ARHGAP24: variants seen among roughly 807,000 people sequenced by gnomAD.
ARHGAP24 encodes rho GTPase-activating protein 24.
A neutral mutation model predicts 76.4 loss-of-function variants in ARHGAP24; 50 were observed. The ratio of observed to expected loss-of-function variants is 0.65; its 90% CI spans 0.52 to 0.83. The LOEUF (loss-of-function observed/expected upper bound fraction) is 0.83, where lower values mean the gene tolerates loss of function less well. Among genes scored for constraint, ARHGAP24 ranks in the 40% least tolerant of loss-of-function variants. The probability of loss-of-function intolerance (pLI) is 0.00; values close to 1 mark genes in which losing one functional copy is unlikely to be tolerated. For missense variants in ARHGAP24, 930 were observed against 914.2 expected (o/e 1.02, Z -0.22); for synonymous variants, 345 against 323.3 (o/e 1.07, Z -0.72).
chr4:85,872,074 C>T (rs1319851342), intron 3 of ARHGAP24, among the ~76,000 whole-genome samples: 5 of 151,188 alleles, frequency 3.3e-5, no homozygotes, highest in Admixed American at 6.6e-5. Flanking sequence ...TAAAAATATT[C>T]GTGAATTATT....
chr4:85,545,347 A>G (rs1408616635), intron 1 of ARHGAP24, among the ~76,000 whole-genome samples: 1 of 151,940 alleles, frequency 6.6e-6, no homozygotes, highest in East Asian at 1.9e-4. Context: ...TGATCCACCC[A>G]CCTCAGCCCC....
At chr4:85,784,446 A>G (rs1024819562) in intron 3 of ARHGAP24, among the ~76,000 whole-genome samples, 1 of 152,024 alleles carries the variant, frequency 6.6e-6, no homozygotes, top group Non-Finnish European at 1.5e-5. Flanking sequence ...TTAAAGCTCA[A>G]TGTGGATATC....
intron 9 of ARHGAP24, among the ~76,000 whole-genome samples, chr4:85,997,756 A>C (rs1740771443): frequency 6.6e-6 from 1 of 152,010 alleles, no homozygotes; most frequent in African/African-American, 2.4e-5. Context: ...CCCAAGTTGA[A>C]GCGATTCTCC....
chr4:85,660,793 T>TGAAAAA lies in ARHGAP24; in HGVS notation c.181-61092_181-61091insGAAAAA, dbSNP rs1382915617. On this transcript the variant is annotated intron_variant, in intron 2 of 9. Transcript: ENST00000395184. ...CCTGGTGACAGAGAGAGACTCCGTC[T>TGAAAAA]CAAAAAAAAAAAAAAAAAAAAAAAT... Among the ~76,000 whole-genome samples the TGAAAAA allele has an allele frequency of 5.8e-3, 10 of 1,722 alleles. 1 individual carries two copies. The highest frequency in any genetic ancestry group is 0.015 in the African/African-American group (10 of 658). 1.1% of individuals were successfully genotyped at this position (1,722 alleles called of 152,430 possible).
At chr4:85,604,638 G>A (rs1578070942) in intron 2 of ARHGAP24, among the ~76,000 whole-genome samples, 1 of 152,210 alleles carries the variant, frequency 6.6e-6, no homozygotes, top group African/African-American at 2.4e-5. Context: ...AGGCTGCAGT[G>A]CAGTGTGGCA....
At chr4:85,788,462 T>A (rs188448801) in intron 3 of ARHGAP24, among the ~76,000 whole-genome samples, 352 of 152,300 alleles carry the variant, frequency 2.3e-3, no homozygotes, top group African/African-American at 8.3e-3. Flanking sequence ...GTATACTTTA[T>A]TTTTTTGAAG....
At chr4:85,491,075 G>A (rs2110093485) in intron 1 of ARHGAP24, among the ~76,000 whole-genome samples, 1 of 152,108 alleles carries the variant, frequency 6.6e-6, no homozygotes, top group East Asian at 1.9e-4. Context: ...ATTTATAAGG[G>A]TCATACAAAA....
intron 3 of ARHGAP24, among the ~76,000 whole-genome samples, chr4:85,868,640 A>G (rs531491375): frequency 1.3e-5 from 2 of 152,300 alleles, no homozygotes; most frequent in East Asian, 3.9e-4. Context: ...GTGAAAACTA[A>G]GAAAGTCTGA....
intron 3 of ARHGAP24, among the ~76,000 whole-genome samples, chr4:85,848,063 A>G (rs1266863860): frequency 2.6e-5 from 4 of 152,140 alleles, no homozygotes; most frequent in African/African-American, 7.2e-5. Context: ...TCACCACACA[A>G]TCTATACAGT....
intron 3 of ARHGAP24, among the ~76,000 whole-genome samples, chr4:85,848,731 A>C (rs2869406): frequency 0.48 from 72,386 of 151,960 alleles, 18,746 homozygotes; most frequent in East Asian, 0.86. Context: ...TGTTTTTGTC[A>C]GCTTTGTCAA....
intron 2 of ARHGAP24, among the ~76,000 whole-genome samples, chr4:85,655,818 A>AGAGAGAGAGAGAAAGAGAG (rs1237643654): frequency 2.8e-5 from 1 of 35,514 alleles, no homozygotes; most frequent in Non-Finnish European, 5.1e-5. Context: ...GAGAGAGAGA[A>AGAGAGAGAGAGAAAGAGAG]AGAGAGAGAG....
In ARHGAP24 at chr4:85,497,599, A is replaced by G. The variant is rs940203200; in HGVS notation, c.-21+22040A>G. On this transcript the variant is annotated intron_variant, in intron 1 of 9. Transcript: ENST00000395184. The stretch of plus-strand genomic sequence containing the variant: ...CAATTTGGGAGGCTGAGGCAGGTGG[A>G]TCTCCTGAGGTCTGGAGATGGAGAC... 5.9e-5 allele frequency among the ~76,000 whole-genome samples: 9 copies of G among 152,204 alleles called. No individual in the cohort carries two copies. In the East Asian group the frequency reaches 1.7e-3, roughly 29 times the overall value.
intron 3 of ARHGAP24, among the ~76,000 whole-genome samples, chr4:85,728,708 G>C (rs1013730789): frequency 9.2e-5 from 14 of 152,172 alleles, no homozygotes; most frequent in African/African-American, 3.4e-4. Context: ...TAATAGGCCA[G>C]CTGAGAAATA....
At chr4:85,913,893 C>T (rs1208652696) in intron 3 of ARHGAP24, among the ~76,000 whole-genome samples, 1 of 152,034 alleles carries the variant, frequency 6.6e-6, no homozygotes, top group Non-Finnish European at 1.5e-5. Context: ...CATTTTAATC[C>T]AGATTTCAAA....
intron 3 of ARHGAP24, among the ~76,000 whole-genome samples, chr4:85,740,289 C>T (rs1001440107): frequency 1.3e-5 from 2 of 150,074 alleles, no homozygotes; most frequent in Non-Finnish European, 3.0e-5. Context: ...GTGCGGTGAT[C>T]TCGGCTCACT....
chr4:85,498,773 A>C (rs1723681490), intron 1 of ARHGAP24, among the ~76,000 whole-genome samples: 1 of 152,218 alleles, frequency 6.6e-6, no homozygotes, highest in African/African-American at 2.4e-5. Flanking sequence ...TTTATGAAAA[A>C]TTTCACCATC....
At chr4:85,614,600 AT>A (rs1382222180) in intron 2 of ARHGAP24, among the ~76,000 whole-genome samples, 1 of 152,108 alleles carries the variant, frequency 6.6e-6, no homozygotes, top group African/African-American at 2.4e-5. Flanking sequence ...ATTGAAAAAA[AT>A]ATTTTAATTA....
intron 3 of ARHGAP24, among the ~76,000 whole-genome samples, chr4:85,731,441 C>T (rs1725405753): frequency 6.6e-6 from 1 of 152,204 alleles, no homozygotes; most frequent in African/African-American, 2.4e-5. Context: ...ATGCTTAATG[C>T]ATGTTTGTTG....
intron 2 of ARHGAP24, among the ~76,000 whole-genome samples, chr4:85,633,605 C>T (rs1721227419): frequency 6.6e-6 from 1 of 151,866 alleles, no homozygotes; most frequent in Admixed American, 6.6e-5. Context: ...TATTTACAAT[C>T]ATGAAATATC....
Sources: gnomAD v4.1 joint callset for allele counts (sites outside exome capture counted in the v4.1 genomes callset) on GRCh38, gnomAD v4.1.1 for gene constraint, MANE v1.5 for transcripts, NCBI Gene and HGNC (gene_info 2026-07-23, HGNC 2026-07-21) for gene names.